BCAS3: variants seen among roughly 807,000 people sequenced by gnomAD.
BCAS3 encodes BCAS4/BCAS3 fusion.
BCAS3 carries 53 observed loss-of-function variants against 116.1 expected under a neutral mutation model. The ratio of observed to expected loss-of-function variants is 0.46; its 90% CI spans 0.37 to 0.57. BCAS3 has a LOEUF of 0.57. Ranked by LOEUF, BCAS3 falls within the 20% of genes least tolerant of loss-of-function variation. The probability of loss-of-function intolerance (pLI) is 0.00; values close to 1 mark genes in which losing one functional copy is unlikely to be tolerated. For synonymous variants in BCAS3, 391 were observed against 408.2 expected, an observed-to-expected ratio of 0.96 and a Z score of 0.51; for missense variants, 917 against 1,165.4, an observed-to-expected ratio of 0.79 and a Z score of 3.10.
intron 6 of BCAS3, among the ~76,000 whole-genome samples, chr17:60,767,079 T>C (rs1023902449): frequency 4.6e-5 from 7 of 152,188 alleles, no homozygotes; most frequent in African/African-American, 1.7e-4. Flanking sequence ...GGTGGCAGTG[T>C]CCTGATTTTC....
At chr17:60,874,815 T>C (rs1161046224) in intron 9 of BCAS3, 77 bp downstream of exon 9, 2 of 887,400 alleles carry the variant, frequency 2.3e-6, no homozygotes, top group Admixed American at 2.4e-5. Context: ...AAACTAACTG[T>C]AATTTTCTCA....
At chr17:60,806,809 G>C (rs1338636665) in intron 6 of BCAS3, among the ~76,000 whole-genome samples, 1 of 152,116 alleles carries the variant, frequency 6.6e-6, no homozygotes, top group Non-Finnish European at 1.5e-5. Context: ...GAGAGTACAG[G>C]CGTGAGCAGG....
At chr17:60,971,221 T>C (rs1223952246) in intron 14 of BCAS3, among the ~76,000 whole-genome samples, 1 of 152,202 alleles carries the variant, frequency 6.6e-6, no homozygotes, top group Non-Finnish European at 1.5e-5. Context: ...GTCTTCCTTG[T>C]GGCAGATGAG....
chr17:60,681,098 G>A (rs941438055), intron 2 of BCAS3, among the ~76,000 whole-genome samples: 11 of 152,142 alleles, frequency 7.2e-5, no homozygotes, highest in African/African-American at 1.7e-4. Flanking sequence ...TTAGCTACTC[G>A]GGAGGCTGAG....
In BCAS3 at chr17:61,371,932, C is replaced by T. The variant is rs374755503; in HGVS notation, c.2593+3438C>T. Among the ~76,000 whole-genome samples, 8 of 152,262 alleles carry T rather than the reference C, an allele frequency of 5.3e-5. No homozygotes were observed. In the South Asian group the frequency reaches 1.4e-3, roughly 28 times the overall value. ...CAGTTCTTTGGTCCGTGATGGATGC[C>T]GACCAAATAGTTGAATTCAATCACC... On this transcript the variant is annotated intron_variant, in intron 23 of 23. Coordinates refer to ENST00000407086, the MANE Select transcript of BCAS3 (RefSeq NM_017679.5).
chr17:60,713,510 C>G (rs903294662), intron 5 of BCAS3, among the ~76,000 whole-genome samples: 15 of 152,212 alleles, frequency 9.9e-5, no homozygotes, highest in Admixed American at 3.3e-4. Context: ...TCTGCAGATT[C>G]AACCAACTGT....
intron 22 of BCAS3, among the ~76,000 whole-genome samples, chr17:61,270,799 A>G (rs1223872623): frequency 6.6e-6 from 1 of 151,156 alleles, no homozygotes; most frequent in Non-Finnish European, 1.5e-5. Context: ...CTGGAGTGCA[A>G]TGGTGCAATC....
intron 12 of BCAS3, among the ~76,000 whole-genome samples, chr17:60,919,825 T>A (rs1478350994): frequency 6.6e-6 from 1 of 152,170 alleles, no homozygotes; most frequent in African/African-American, 2.4e-5. Context: ...AAATAGATGA[T>A]AAGTTAATAT....
intron 22 of BCAS3, among the ~76,000 whole-genome samples, chr17:61,336,511 C>T (rs2056737597): frequency 6.6e-6 from 1 of 152,132 alleles, no homozygotes; most frequent in South Asian, 2.1e-4. Flanking sequence ...CCACCTATGC[C>T]CACCTCTAGC....
In BCAS3 at chr17:61,196,475, T is replaced by G. The variant is rs569023844; in HGVS notation, c.2425+111911T>G. On this transcript the variant is annotated intron_variant, in intron 22 of 23. Transcript: ENST00000407086. This position sits in a 1 kb window ranked among gnomAD's most constrained non-coding sequence, Gnocchi z 4.7. Reference sequence around the variant, plus strand: ...GCAAAGGATATGGCAATCATTTATATAAATATGCTTTCTCAAGCCCACAAA... The same window carrying G: ...GCAAAGGATATGGCAATCATTTATAGAAATATGCTTTCTCAAGCCCACAAA... Among the ~76,000 whole-genome samples the G allele has an allele frequency of 1.3e-5, 2 of 152,194 alleles. No homozygotes were observed. The highest frequency in any genetic ancestry group is 4.8e-5 in the African/African-American group (2 of 41,450).
chr17:61,080,936 G>T (rs1044032256), intron 21 of BCAS3, among the ~76,000 whole-genome samples: 2 of 151,462 alleles, frequency 1.3e-5, no homozygotes, highest in Middle Eastern at 3.4e-3. Flanking sequence ...GACATTTTTT[G>T]ACCAAGATGT....
Position 61,244,852 on chromosome 17 carries a change from G to A in BCAS3, c.2426-123475G>A, listed in dbSNP as rs2047806427. 6.6e-6 allele frequency among the ~76,000 whole-genome samples: 1 copy of A among 152,098 alleles called. No homozygotes were observed. The highest frequency in any genetic ancestry group is 1.5e-5 in the Non-Finnish European group (1 of 68,024). ...TACCCCAGCCTGAGCAACAGAGTGA[G>A]ACTCCGTCTCAAAAAAAATAAATAA... On this transcript the variant is annotated intron_variant, in intron 22 of 23. Transcript: ENST00000407086. This position sits in a 1 kb window ranked among gnomAD's most constrained non-coding sequence, Gnocchi z 4.9.
Position 61,105,628 on chromosome 17 carries a change from T to C in BCAS3, c.2425+21064T>C, listed in dbSNP as rs2074596974. Among the ~76,000 whole-genome samples, 1 of 152,126 alleles carries C rather than the reference T, an allele frequency of 6.6e-6. No homozygotes were observed. Among genetic ancestry groups the C allele is most frequent in the Non-Finnish European group, 1.5e-5 (1 of 68,024 alleles). ...TTTTAGTATAGATGGGGTTTCTCCA[T>C]GTTGGTCAGGCTGGTCTCGAACTCC... On this transcript the variant is annotated intron_variant, in intron 22 of 23. Transcript: ENST00000407086. The surrounding 1 kb of genome is among the most constrained non-coding windows in gnomAD (Gnocchi z 4.3).
At chr17:61,329,791 T>TCACCCGTAC (rs60447969) in intron 22 of BCAS3, among the ~76,000 whole-genome samples, 1 of 151,390 alleles carries the variant, frequency 6.6e-6, no homozygotes, top group Non-Finnish European at 1.5e-5. Context: ...TCCTCGGCGC[T>TCACCCGTAC]CACCTCCTCC....
intron 11 of BCAS3, 31 bp downstream of exon 11, chr17:60,902,734 G>A (rs1230594766): frequency 6.8e-6 from 10 of 1,479,156 alleles, no homozygotes; most frequent in Non-Finnish European, 9.5e-6. Flanking sequence ...GGAGAGTTGT[G>A]GTTATGTGTA....
intron 22 of BCAS3, among the ~76,000 whole-genome samples, chr17:61,109,341 A>G (rs1375682027): frequency 6.7e-6 from 1 of 149,054 alleles, no homozygotes; most frequent in Non-Finnish European, 1.5e-5. Context: ...TTCTTTATCT[A>G]CTCGCTGATT....
rs769961023 is a variant in BCAS3, at chr17:60,995,594, G to A, written c.1486+5359G>A. Reference sequence around the variant, plus strand: ...ATTACAAGCGTGAACCACCGCGCCCGACCAGTTTCTAAGGCTTTAAACCAG... The same window carrying A: ...ATTACAAGCGTGAACCACCGCGCCCAACCAGTTTCTAAGGCTTTAAACCAG... On this transcript the variant is annotated intron_variant, in intron 15 of 23. Transcript: ENST00000407086. This position sits in a 1 kb window ranked among gnomAD's most constrained non-coding sequence, Gnocchi z 4.7. Among the ~76,000 whole-genome samples, 1 of 152,116 alleles carries A rather than the reference G, an allele frequency of 6.6e-6. No homozygotes were observed. The highest frequency in any genetic ancestry group is 2.4e-5 in the African/African-American group (1 of 41,418).
chr17:61,016,377 T>C (rs2065460053), intron 16 of BCAS3, among the ~76,000 whole-genome samples: 1 of 152,236 alleles, frequency 6.6e-6, no homozygotes, highest in Non-Finnish European at 1.5e-5. Context: ...GTCAGGACAA[T>C]GTGATGTCAT....
At chr17:61,074,420 G>T (rs2143453437) in intron 19 of BCAS3, among the ~76,000 whole-genome samples, 1 of 152,168 alleles carries the variant, frequency 6.6e-6, no homozygotes, top group East Asian at 1.9e-4. Context: ...TGAAAAAGTA[G>T]GCTGTTGTAA....
Sources: allele counts gnomAD v4.1 joint callset (sites outside exome capture counted in the v4.1 genomes callset), GRCh38; gene constraint gnomAD v4.1.1; non-coding constraint Gnocchi (gnomAD v3.1); transcripts MANE v1.5; gene names NCBI Gene and HGNC (gene_info 2026-07-23, HGNC 2026-07-21).